The following DYNC1I1 variants were observed in gnomAD, a reference collection of about 807,000 sequenced individuals.
DYNC1I1 encodes the protein dynein cytoplasmic 1 intermediate chain 1, also known as cytoplasmic dynein 1 intermediate chain 1.
A neutral mutation model predicts 86.6 loss-of-function variants in DYNC1I1; 43 were observed. The ratio of observed to expected loss-of-function variants is 0.50; its 90% CI spans 0.39 to 0.64. The LOEUF (loss-of-function observed/expected upper bound fraction) is 0.64. Ranked by LOEUF, DYNC1I1 falls within the 30% of genes least tolerant of loss-of-function variation. DYNC1I1 has a pLI of 0.00. For missense variants in DYNC1I1, 604 were observed against 788.8 expected (o/e 0.77, Z 2.81); for synonymous variants, 262 against 283.7 (o/e 0.92, Z 0.77).
At chr7:96,054,033 C>T (rs117356384) in intron 14 of DYNC1I1, among the ~76,000 whole-genome samples, 1,870 of 152,154 alleles carry the variant, frequency 0.012, 18 homozygotes, top group Non-Finnish European at 0.02. Context: ...AGGTTTGTTA[C>T]ATAGGTGCCA....
intron 10 of DYNC1I1, among the ~76,000 whole-genome samples, chr7:96,004,646 G>GCACACACACA (rs34562315): frequency 1.4e-5 from 2 of 146,142 alleles, no homozygotes; most frequent in African/African-American, 2.5e-5. Context: ...ATAAATGCAT[G>GCACACACACA]CACACACACA....
chr7:95,868,958 A>C (rs1412427136), intron 5 of DYNC1I1, among the ~76,000 whole-genome samples: 1 of 142,290 alleles, frequency 7.0e-6, no homozygotes, highest in Non-Finnish European at 1.5e-5. Flanking sequence ...CTCAGGAGGC[A>C]CTTCGATTTT....
intron 6 of DYNC1I1, among the ~76,000 whole-genome samples, chr7:95,878,787 A>G (rs547932278): frequency 2.0e-5 from 3 of 152,180 alleles, no homozygotes; most frequent in Non-Finnish European, 4.4e-5. Flanking sequence ...GCATAGTACA[A>G]ATGCTGAAAC....
At chr7:95,965,735 A>G (rs376222636) in intron 6 of DYNC1I1, among the ~76,000 whole-genome samples, 67 of 152,300 alleles carry the variant, frequency 4.4e-4, no homozygotes, top group Middle Eastern at 3.4e-3. Flanking sequence ...AAAAAATAAC[A>G]AAGAAGATAC....
At chr7:95,840,366 CA>C (rs1789248147) in intron 5 of DYNC1I1, among the ~76,000 whole-genome samples, 1 of 151,996 alleles carries the variant, frequency 6.6e-6, no homozygotes, top group Non-Finnish European at 1.5e-5. Context: ...GTTGAAACCT[CA>C]TATTGAATTT....
intron 16 of DYNC1I1, among the ~76,000 whole-genome samples, chr7:96,087,316 C>G (rs1457176054): frequency 1.3e-5 from 2 of 152,182 alleles, no homozygotes; most frequent in African/African-American, 2.4e-5. Context: ...CATTTGCAAT[C>G]AGCCAGTTTT....
intron 6 of DYNC1I1, among the ~76,000 whole-genome samples, chr7:95,949,158 T>C (rs1792485445): frequency 6.6e-6 from 1 of 152,170 alleles, no homozygotes; most frequent in South Asian, 2.1e-4. Flanking sequence ...TGGTCGAATG[T>C]AGATCAAATT....
intron 16 of DYNC1I1, among the ~76,000 whole-genome samples, chr7:96,083,806 C>T (rs1039861892): frequency 1.3e-5 from 2 of 152,118 alleles, no homozygotes; most frequent in African/African-American, 2.4e-5. Context: ...TTCCCTGGTC[C>T]CTATTAAAAC....
intron 5 of DYNC1I1, chr7:95,837,485 G>A (rs1789134838): frequency 6.6e-6 from 1 of 152,352 alleles, no homozygotes; most frequent in African/African-American, 2.4e-5. Flanking sequence ...TTGAGCTGTG[G>A]TGGGCTCCAC....
intron 6 of DYNC1I1, among the ~76,000 whole-genome samples, chr7:95,878,950 A>AG (rs1397713116): frequency 5.8e-5 from 2 of 34,628 alleles, no homozygotes; most frequent in East Asian, 2.1e-3. Context: ...AAAGAAAAGA[A>AG]GAAAAAAAAA....
intron 15 of DYNC1I1, 66 bp downstream of exon 15, chr7:96,076,263 C>A: frequency 1.3e-6 from 2 of 1,583,028 alleles, no homozygotes; most frequent in Middle Eastern, 1.7e-4. Context: ...CACTCGCAGT[C>A]TCTCCCTCTT....
chr7:96,075,948 G>T (rs1790322713), intron 14 of DYNC1I1, 109 bp from the exon 15 acceptor site: 27 of 1,447,026 alleles, frequency 1.9e-5, no homozygotes, highest in Non-Finnish European at 2.5e-5. Context: ...CTTTCATCTC[G>T]GGAAGTTTTA....
At chr7:95,873,022 T>C (rs1790213845) in intron 6 of DYNC1I1, among the ~76,000 whole-genome samples, 1 of 152,188 alleles carries the variant, frequency 6.6e-6, no homozygotes, top group African/African-American at 2.4e-5. Context: ...AAGTTCACTA[T>C]GTTCCCCCTG....
At chr7:95,805,942 G>A (rs933310735) in intron 2 of DYNC1I1, among the ~76,000 whole-genome samples, 1 of 152,184 alleles carries the variant, frequency 6.6e-6, no homozygotes, top group Admixed American at 6.5e-5. Context: ...CAAAATAAAA[G>A]ATGATTGCAG....
At chr7:95,963,190 A>C (rs1792919194) in intron 6 of DYNC1I1, among the ~76,000 whole-genome samples, 1 of 152,016 alleles carries the variant, frequency 6.6e-6, no homozygotes, top group Admixed American at 6.6e-5. Context: ...TAAAAAATCC[A>C]CTTCCCTTTC....
rs576556308 is a variant in DYNC1I1, at chr7:96,071,319, G to T, written c.1510-4738G>T. Among the ~76,000 whole-genome samples the T allele has an allele frequency of 1.1e-4, 16 of 152,222 alleles. No homozygotes were observed. In the South Asian group the frequency reaches 2.5e-3, roughly 24 times the overall value. On this transcript the variant is annotated intron_variant, in intron 14 of 16. Coordinates refer to ENST00000447467, the MANE Select transcript of DYNC1I1 (RefSeq NM_001135556.2). The stretch of plus-strand genomic sequence containing the variant: ...TCTATCCTTACCACAGGGTAACAAA[G>T]CACGTAATAAAGCAGTTGTAGAATC...
chr7:95,899,458 A>T lies in DYNC1I1; in HGVS notation c.490+29460A>T, dbSNP rs560858485. 2.6e-5 allele frequency among the ~76,000 whole-genome samples: 4 copies of T among 152,348 alleles called. No individual in the cohort carries two copies. In the South Asian group the frequency reaches 8.3e-4, roughly 32 times the overall value. On this transcript the variant is annotated intron_variant, in intron 6 of 16. Transcript: ENST00000447467. ...AAGTCAGAGGTCAGCGTTTCCCCAT[A>T]CTGGGCACCCTTGAGATTGAATCCC...
intron 6 of DYNC1I1, among the ~76,000 whole-genome samples, chr7:95,934,893 A>G (rs1791996694): frequency 6.6e-6 from 1 of 151,940 alleles, no homozygotes; most frequent in African/African-American, 2.4e-5. Flanking sequence ...AAAGTTAAGA[A>G]AAAACACCGA....
intron 16 of DYNC1I1, 122 bp downstream of exon 16, chr7:96,080,610 C>T: frequency 6.5e-7 from 1 of 1,532,552 alleles, no homozygotes; most frequent in Non-Finnish European, 9.0e-7. Flanking sequence ...TTGTAAATTT[C>T]CATTGACTTC....
Sources: allele counts gnomAD v4.1 joint callset (sites outside exome capture counted in the v4.1 genomes callset), GRCh38; gene constraint gnomAD v4.1.1; transcripts MANE v1.5; gene names NCBI Gene and HGNC (gene_info 2026-07-23, HGNC 2026-07-21).